The following GREB1L variants were observed in gnomAD, a reference collection of about 807,000 sequenced individuals.
GREB1L encodes the protein GREB1 like retinoic acid receptor coactivator.
GREB1L carries 17 observed loss-of-function variants against 200.8 expected under a neutral mutation model. The observed-to-expected ratio is 0.08, with a 90% confidence interval of 0.06 to 0.13. GREB1L has a LOEUF of 0.13. Ranked by LOEUF, GREB1L falls within the 10% of genes least tolerant of loss-of-function variation. GREB1L has a pLI of 1.00. For synonymous variants in GREB1L, 789 were observed against 893.0 expected, an observed-to-expected ratio of 0.88 and a Z score of 2.08; for missense variants, 1,657 against 2,367.7, an observed-to-expected ratio of 0.70 and a Z score of 6.23.
intron 28 of GREB1L, among the ~76,000 whole-genome samples, chr18:21,514,929 C>T (rs1262012629): frequency 2.0e-5 from 3 of 152,086 alleles, no homozygotes; most frequent in Middle Eastern, 3.2e-3. Flanking sequence ...TTAAGAAGTC[C>T]GACACAATAA....
intron 4 of GREB1L, among the ~76,000 whole-genome samples, chr18:21,386,095 T>A (rs1237465976): frequency 3.3e-5 from 5 of 152,170 alleles, no homozygotes; most frequent in Non-Finnish European, 4.4e-5. Flanking sequence ...GAGGTGCAGT[T>A]TTTTTAACTG....
At chr18:21,317,706 A>G (rs1260134099) in intron 1 of GREB1L, 1 of 152,216 alleles carries the variant, frequency 6.6e-6, no homozygotes, top group East Asian at 1.9e-4. Flanking sequence ...CCTCACAGCT[A>G]TGAACTAAAA....
At chr18:21,296,661 T>G (rs1374559335) in intron 1 of GREB1L, among the ~76,000 whole-genome samples, 6 of 148,648 alleles carry the variant, frequency 4.0e-5, no homozygotes, top group Non-Finnish European at 4.5e-5. Flanking sequence ...TGTTTTTTGT[T>G]TTTTTTTTTT....
chr18:21,361,822 A>G (rs1751223450), intron 1 of GREB1L, among the ~76,000 whole-genome samples: 1 of 152,206 alleles, frequency 6.6e-6, no homozygotes, highest in Non-Finnish European at 1.5e-5. Context: ...GTTTTAAAGT[A>G]GATCATTTAA....
chr18:21,328,205 G>A (rs1473218840), intron 1 of GREB1L, among the ~76,000 whole-genome samples: 1 of 151,630 alleles, frequency 6.6e-6, no homozygotes, highest in Non-Finnish European at 1.5e-5. Flanking sequence ...GGATGTTTAA[G>A]CACTGTGTGT....
At chr18:21,485,970 T>A (rs1181665851) in intron 18 of GREB1L, among the ~76,000 whole-genome samples, 1 of 152,166 alleles carries the variant, frequency 6.6e-6, no homozygotes, top group Non-Finnish European at 1.5e-5. Context: ...AAGTGGGCCA[T>A]TGCACTACTT....
intron 4 of GREB1L, among the ~76,000 whole-genome samples, chr18:21,384,953 TTTTA>T (rs1458990690): frequency 6.6e-6 from 1 of 151,930 alleles, no homozygotes; most frequent in Non-Finnish European, 1.5e-5. Context: ...GTTAATCCCT[TTTTA>T]TTTATTAGGG....
At position 21,496,579 on chromosome 18, in the gene GREB1L, C is replaced by A; in HGVS notation, c.3272C>A (p.Ala1091Asp). 6.4e-7 allele frequency: 1 copy of A among 1,551,704 alleles called. No individual in the cohort carries two copies. The highest frequency in any genetic ancestry group is 8.7e-7 in the Non-Finnish European group (1 of 1,146,980). ...SKEVIRGPTV[A>D]LDLSGKEQER... ...GAGGTCATCCGGGGACCCACTGTTG[C>A]CCTGGACCTCAGCGGGAAGGAGCAG... The change falls in exon 21 of 33, where the codon GCC becomes GAC. Residue 1091 changes from alanine to aspartate, a missense_variant. This residue lies in a region of GREB1L where 512 missense variants were observed against 668.3 expected (regional missense o/e 0.77). Transcript: ENST00000424526.
At chr18:21,463,135 T>C (rs915830291) in intron 15 of GREB1L, among the ~76,000 whole-genome samples, 2 of 5,898 alleles carry the variant, frequency 3.4e-4, no homozygotes, top group African/African-American at 1.4e-3. Flanking sequence ...TTAATGGTTC[T>C]TTTTTTTTTT....
intron 1 of GREB1L, among the ~76,000 whole-genome samples, chr18:21,295,294 A>G (rs1012724907): frequency 4.1e-4 from 62 of 152,270 alleles, no homozygotes; most frequent in Admixed American, 6.5e-4. Flanking sequence ...ACGGCTTGTT[A>G]TTCAAGCCTC....
intron 27 of GREB1L, among the ~76,000 whole-genome samples, chr18:21,511,378 T>A (rs1051803544): frequency 9.2e-5 from 14 of 151,486 alleles, no homozygotes; most frequent in Admixed American, 2.0e-4. Flanking sequence ...AAAAAAAAAA[T>A]TTTTCTCCCA....
At chr18:21,283,799 G>A (rs28694214) in intron 1 of GREB1L, among the ~76,000 whole-genome samples, 4,040 of 152,192 alleles carry the variant, frequency 0.027, 179 homozygotes, top group African/African-American at 0.092. Flanking sequence ...TGAACATCTT[G>A]TTCAATGGAC....
chr18:21,424,593 C>T (rs1317352891), intron 7 of GREB1L, among the ~76,000 whole-genome samples: 2 of 152,010 alleles, frequency 1.3e-5, no homozygotes, highest in Non-Finnish European at 2.9e-5. Context: ...CAGAGTGAGA[C>T]TCTGTCTCAA....
At chr18:21,422,760 A>G (rs1360449211) in intron 7 of GREB1L, among the ~76,000 whole-genome samples, 5 of 152,320 alleles carry the variant, frequency 3.3e-5, no homozygotes, top group Middle Eastern at 6.8e-3. Flanking sequence ...CATTTCTCAC[A>G]TATATATAAA....
chr18:21,309,410 T>A (rs2038755794), intron 1 of GREB1L, among the ~76,000 whole-genome samples: 1 of 152,192 alleles, frequency 6.6e-6, no homozygotes, highest in Non-Finnish European at 1.5e-5. Flanking sequence ...CTCACGGTCA[T>A]CTTTAGCATC....
At chr18:21,305,176 A>T (rs545289397) in intron 1 of GREB1L, among the ~76,000 whole-genome samples, 28 of 151,942 alleles carry the variant, frequency 1.8e-4, no homozygotes, top group Non-Finnish European at 3.4e-4. Flanking sequence ...GGGTTTCACC[A>T]TGTTGGCCAG....
At chr18:21,340,565 C>T (rs1297888373) in intron 1 of GREB1L, among the ~76,000 whole-genome samples, 4 of 149,218 alleles carry the variant, frequency 2.7e-5, no homozygotes, top group South Asian at 2.1e-4. Context: ...TTTTTTGAGA[C>T]GGAGTCTTGC....
chr18:21,280,162 C>T (rs1415332881), intron 1 of GREB1L, among the ~76,000 whole-genome samples: 1 of 152,168 alleles, frequency 6.6e-6, no homozygotes, highest in Non-Finnish European at 1.5e-5. Flanking sequence ...TGATTGTGCT[C>T]TACCGTTGTA....
intron 1 of GREB1L, among the ~76,000 whole-genome samples, chr18:21,329,507 C>G (rs2039074780): frequency 6.6e-6 from 1 of 151,758 alleles, no homozygotes; most frequent in Admixed American, 6.6e-5. Flanking sequence ...AAAAGATACT[C>G]CTTTTGAACT....
Sources: gnomAD v4.1 joint callset for allele counts (sites outside exome capture counted in the v4.1 genomes callset) on GRCh38, gnomAD v4.1.1 for gene constraint, gnomAD v4.1.1 regional missense constraint, MANE v1.5 for transcripts, NCBI Gene and HGNC (gene_info 2026-07-23, HGNC 2026-07-21) for gene names.